Variants in MERTK observed in about 807,000 individuals in gnomAD.
MERTK encodes the protein tyrosine-protein kinase Mer.
A neutral mutation model predicts 99.3 loss-of-function variants in MERTK; 69 were observed. That is an observed-to-expected ratio of 0.70 (90% confidence interval 0.57 to 0.85). The LOEUF is 0.85. Ranked by LOEUF, MERTK falls within the 40% of genes least tolerant of loss-of-function variation. The pLI, the probability that MERTK is intolerant of heterozygous loss-of-function variation, is 0.00. For synonymous variants in MERTK, 426 were observed against 467.6 expected (o/e 0.91, Z 1.15); for missense variants, 1,125 against 1,249.4 (o/e 0.90, Z 1.50).
At chr2:111,904,288 T>A (rs1045824420) in intron 1 of MERTK, among the ~76,000 whole-genome samples, 4 of 152,206 alleles carry the variant, frequency 2.6e-5, no homozygotes, top group Non-Finnish European at 4.4e-5. Context: ...ACATAACTCT[T>A]TTCCAAACTG....
chr2:111,954,851 C>T (rs1246324579), intron 4 of MERTK, among the ~76,000 whole-genome samples: 3 of 152,162 alleles, frequency 2.0e-5, no homozygotes, highest in Non-Finnish European at 4.4e-5. Context: ...CAGCTAGTTG[C>T]TGACTGTTCC....
rs138465792 is a variant in MERTK at position 112,009,822 on chromosome 2, G to A, written c.1961-126G>A. On this transcript the variant is annotated intron_variant, in intron 14 of 18. Transcript: ENST00000295408. The stretch of plus-strand genomic sequence containing the variant: ...TTCTAGAACAGAGTGTGAGTTAGGC[G>A]CTCTTGATTTTTTCAAACTGTTAAC... 1,162 of 772,612 alleles carry A rather than the reference G, an allele frequency of 1.5e-3. 6 individuals are homozygous for A. Among genetic ancestry groups the A allele is most frequent in the Non-Finnish European group, 2.2e-3 (930 of 426,064 alleles). The allele number at this position is 772,612 out of a possible 1,614,324, so 47.9% of individuals were successfully genotyped here. A position where few individuals can be genotyped will look rare whatever the true frequency, so the allele number is the denominator to read the frequency against.
chr2:111,985,469 T>G lies in MERTK; in HGVS notation c.1296+2476T>G, dbSNP rs1243016793. Among the ~76,000 whole-genome samples the G allele has an allele frequency of 4.1e-4, 63 of 152,196 alleles. 2 individuals carry two copies. Among genetic ancestry groups the G allele is most frequent in the Admixed American group, 4.1e-3 (62 of 15,280 alleles). ...TTACTGTGATCATGGAAAGCATGCT[T>G]CTTCTGTGTTGCCATATTCCTGATC... On this transcript the variant is annotated intron_variant, in intron 8 of 18. Transcript: ENST00000295408.
Position 112,022,353 on chromosome 2 carries a change from T to C in MERTK, c.2445T>C (p.His815=). The C allele has an allele frequency of 6.2e-7, 1 of 1,614,236 alleles. No individual in the cohort carries two copies. Among genetic ancestry groups the C allele is most frequent in the Non-Finnish European group, 8.5e-7 (1 of 1,180,034 alleles). The change falls in exon 18 of 19, where the codon CAT becomes CAC. Residue 815 remains histidine (H), a synonymous_variant. Transcript: ENST00000295408. ...ATGAGATGTATGACTATCTTCTCCA[T>C]GGCCACAGGTTGAAGCAGCCCGAAG... ...QNHEMYDYLL[H]GHRLKQPEDC...
At chr2:112,011,246 A>G (rs1047787182) in intron 15 of MERTK, among the ~76,000 whole-genome samples, 3 of 152,172 alleles carry the variant, frequency 2.0e-5, no homozygotes, top group Non-Finnish European at 2.9e-5. Context: ...GTGCAAGGAA[A>G]TTAGTTCTTA....
chr2:112,029,392 TTGAAAG>T lies in MERTK; in HGVS notation c.*529_*534del. On this transcript the variant is annotated 3_prime_UTR_variant, in exon 19 of 19. Coordinates refer to ENST00000295408, the MANE Select transcript of MERTK (RefSeq NM_006343.3). ...AGGATATGTTGAACTTACTTGAGAC[TTGAAAG>T]ACAGTGGTCGGCAGCGGCCTTGTGG... 6 of 925,340 alleles carry T rather than the reference TTGAAAG, an allele frequency of 6.5e-6. No homozygotes were observed. Among genetic ancestry groups the T allele is most frequent in the South Asian group, 1.0e-4 (2 of 20,028 alleles). 57.3% of individuals were successfully genotyped at this position (925,340 alleles called of 1,614,324 possible).
At position 112,029,404 on chromosome 2, in the gene MERTK, G is replaced by T. The variant is rs1044929859; in HGVS notation, c.*540G>T. 2.2e-6 allele frequency: 2 copies of T among 892,032 alleles called. No individual in the cohort carries two copies. The highest frequency in any genetic ancestry group is 3.6e-5 in the African/African-American group (2 of 55,142). The allele number at this position is 892,032 out of a possible 1,614,324, so 55.3% of individuals were successfully genotyped here. A position where few individuals can be genotyped will look rare whatever the true frequency, so the allele number is the denominator to read the frequency against. On this transcript the variant is annotated 3_prime_UTR_variant, in exon 19 of 19. Coordinates refer to ENST00000295408, the MANE Select transcript of MERTK (RefSeq NM_006343.3). ...ACTTACTTGAGACTTGAAAGACAGT[G>T]GTCGGCAGCGGCCTTGTGGCCTTTG... is the stretch of plus-strand genomic sequence containing the variant.
chr2:111,999,373 A>C (rs1204209482), intron 10 of MERTK, among the ~76,000 whole-genome samples: 1 of 152,128 alleles, frequency 6.6e-6, no homozygotes, highest in South Asian at 2.1e-4. Context: ...TTCATGGCTC[A>C]CTGCAGCCTT....
chr2:111,960,372 T>C (rs886678371), intron 4 of MERTK, among the ~76,000 whole-genome samples: 4 of 151,540 alleles, frequency 2.6e-5, no homozygotes, highest in Admixed American at 1.3e-4. Context: ...TCCCAGCTAC[T>C]TGGGAGACTG....
chr2:112,029,392 TTG>T lies in MERTK; in HGVS notation c.*529_*530del. On this transcript the variant is annotated 3_prime_UTR_variant, in exon 19 of 19. Transcript: ENST00000295408. ...AGGATATGTTGAACTTACTTGAGACTTGAAAGACAGTGGTCGGCAGCGGCCTT... is the reference window on the plus strand; with the variant it reads ...AGGATATGTTGAACTTACTTGAGACTAAAGACAGTGGTCGGCAGCGGCCTT... The T allele has an allele frequency of 2.2e-6, 2 of 925,340 alleles. No individual in the cohort carries two copies. Among genetic ancestry groups the T allele is most frequent in the Admixed American group, 6.1e-5 (1 of 16,354 alleles). 57.3% of individuals were successfully genotyped at this position (925,340 alleles called of 1,614,324 possible).
chr2:112,006,919 TAGGATG>T (rs141436682), intron 13 of MERTK, among the ~76,000 whole-genome samples: 10,922 of 152,274 alleles, frequency 0.072, 495 homozygotes, highest in Middle Eastern at 0.15. Flanking sequence ...ATTAAGCCAA[TAGGATG>T]GTATAGACAC....
chr2:111,950,688 G>A (rs1204168552), intron 4 of MERTK, among the ~76,000 whole-genome samples: 1 of 152,162 alleles, frequency 6.6e-6, no homozygotes, highest in African/African-American at 2.4e-5. Flanking sequence ...AGATTTTAGT[G>A]TCTCTTCTTG....
chr2:111,969,583 T>C (rs1676038968), intron 6 of MERTK, among the ~76,000 whole-genome samples: 1 of 152,186 alleles, frequency 6.6e-6, no homozygotes, highest in African/African-American at 2.4e-5. Flanking sequence ...ATTTCTCTGT[T>C]CTTAACGCCT....
At position 112,003,976 on chromosome 2, in the gene MERTK, C is replaced by T; in HGVS notation, c.1859C>T (p.Thr620Ile). The T allele has an allele frequency of 6.2e-7, 1 of 1,612,358 alleles. No homozygotes were observed. The highest frequency in any genetic ancestry group is 2.2e-5 in the East Asian group (1 of 44,858). Residue 620 changes from threonine to isoleucine, a missense_variant, in exon 13 of 19, where the codon ACC becomes ATC. By Grantham distance (89) the Thr-to-Ile change is moderately conservative. Transcript: ENST00000295408. ...ACCTCTCTGAAAGTGGCAGTGAAGA[C>T]CATGAAGTGTGAGTTATCAGTGATG... ...DGTSLKVAVKTMKLDNSSQRE... is the reference protein window; with the variant it reads ...DGTSLKVAVKIMKLDNSSQRE...
At position 111,964,946 on chromosome 2, in the gene MERTK, C is replaced by T. The variant is rs538758243; in HGVS notation, c.758-245C>T. Among the ~76,000 whole-genome samples the T allele has an allele frequency of 2.0e-5, 3 of 152,284 alleles. No homozygotes were observed. In the South Asian group the frequency reaches 6.2e-4, roughly 32 times the overall value. Reference sequence around the variant, plus strand: ...GATCCTGCTTTATTACCTAATGTCTCACCATTCAGGATCTGAATAAATGAA... The same window carrying T: ...GATCCTGCTTTATTACCTAATGTCTTACCATTCAGGATCTGAATAAATGAA... On this transcript the variant is annotated intron_variant, in intron 4 of 18. Transcript: ENST00000295408.
In MERTK at chr2:111,961,455, G is replaced by A. The variant is rs1482886992; in HGVS notation, c.758-3736G>A. On this transcript the variant is annotated intron_variant, in intron 4 of 18. Coordinates refer to ENST00000295408, the MANE Select transcript of MERTK (RefSeq NM_006343.3). ...CAGGCATGAGCCACCGCACCCGGCC[G>A]GCGTTTTAAATTTTCAAGAGAATTT... 3.3e-5 allele frequency among the ~76,000 whole-genome samples: 5 copies of A among 151,920 alleles called. No individual in the cohort carries two copies. In the East Asian group the frequency reaches 5.8e-4, roughly 18 times the overall value.
chr2:111,928,516 C>G (rs1401700947), intron 1 of MERTK, among the ~76,000 whole-genome samples: 1 of 152,090 alleles, frequency 6.6e-6, no homozygotes, highest in Non-Finnish European at 1.5e-5. Context: ...GACAGGGTCT[C>G]TCTCTGTCAC....
chr2:111,905,038 C>G (rs563360186), intron 1 of MERTK, among the ~76,000 whole-genome samples: 38 of 152,350 alleles, frequency 2.5e-4, no homozygotes, highest in African/African-American at 8.7e-4. Context: ...TGCAGCCTGG[C>G]AGGGGCAGAG....
At chr2:111,939,190 G>A (rs1684816862) in intron 2 of MERTK, among the ~76,000 whole-genome samples, 3 of 152,138 alleles carry the variant, frequency 2.0e-5, no homozygotes, top group South Asian at 4.1e-4. Flanking sequence ...ATGCGACTCT[G>A]CGGGGTCCTA....
Sources: gnomAD v4.1 joint callset for allele counts (sites outside exome capture counted in the v4.1 genomes callset) on GRCh38, gnomAD v4.1.1 for gene constraint, MANE v1.5 for transcripts, NCBI Gene and HGNC (gene_info 2026-07-23, HGNC 2026-07-21) for gene names.